Variants in CALN1 observed in about 807,000 individuals in gnomAD.
The protein encoded by CALN1 is calneuron 1.
In CALN1, 17 loss-of-function variants were observed where a neutral mutation model predicts 30.6. The observed-to-expected ratio is 0.56, with a 90% CI of 0.38 to 0.83. CALN1 has a LOEUF of 0.83. Among genes scored for constraint, CALN1 ranks in the 40% least tolerant of loss-of-function variants. The pLI is 0.00. For synonymous variants in CALN1, 156 were observed against 131.4 expected (o/e 1.19, Z -1.28); for missense variants, 291 against 354.9 (o/e 0.82, Z 1.45).
intron 1 of CALN1, among the ~76,000 whole-genome samples, chr7:72,438,025 A>C (rs1043811457): frequency 8.7e-5 from 13 of 149,940 alleles, no homozygotes; most frequent in East Asian, 4.0e-4. Flanking sequence ...CCCAGGTTGG[A>C]GTGCAGTGGT....
intron 5 of CALN1, among the ~76,000 whole-genome samples, chr7:71,948,393 C>T (rs980615466): frequency 6.6e-6 from 1 of 152,130 alleles, no homozygotes; most frequent in Non-Finnish European, 1.5e-5. Flanking sequence ...CCATGGCCTT[C>T]TAAGAGAGAG....
intron 2 of CALN1, among the ~76,000 whole-genome samples, chr7:72,388,586 T>C (rs530231035): frequency 6.6e-6 from 1 of 152,352 alleles, no homozygotes; most frequent in South Asian, 2.1e-4. Context: ...TGTGCTATCT[T>C]TGCAATGTTT....
chr7:71,930,801 G>GT (rs1795511593), intron 5 of CALN1, among the ~76,000 whole-genome samples: 4 of 152,174 alleles, frequency 2.6e-5, no homozygotes, highest in Admixed American at 2.6e-4. Flanking sequence ...CTCACATGCT[G>GT]TTTTCTGGGT....
intron 5 of CALN1, among the ~76,000 whole-genome samples, chr7:71,830,357 T>C (rs963389189): frequency 2.0e-5 from 3 of 150,946 alleles, no homozygotes; most frequent in African/African-American, 7.3e-5. Flanking sequence ...GTTCTTTTTT[T>C]CTTTTTTTGA....
intron 2 of CALN1, among the ~76,000 whole-genome samples, chr7:72,345,116 T>C (rs918547729): frequency 1.6e-4 from 24 of 149,082 alleles, no homozygotes; most frequent in Admixed American, 4.0e-4. Flanking sequence ...TTATACGAAA[T>C]TACATAATAT....
chr7:72,122,415 G>T (rs1480900774), intron 3 of CALN1, among the ~76,000 whole-genome samples: 1 of 152,080 alleles, frequency 6.6e-6, no homozygotes, highest in Non-Finnish European at 1.5e-5. Context: ...CACCTCCCCT[G>T]CCCCCAGGGT....
At chr7:72,155,749 G>A (rs1585054320) in intron 3 of CALN1, among the ~76,000 whole-genome samples, 1 of 152,130 alleles carries the variant, frequency 6.6e-6, no homozygotes, top group Non-Finnish European at 1.5e-5. Flanking sequence ...ACACAAATTT[G>A]TTATCCTATA....
chr7:71,791,390 A>G (rs1433879554), intron 6 of CALN1, among the ~76,000 whole-genome samples: 3 of 152,160 alleles, frequency 2.0e-5, no homozygotes, highest in African/African-American at 4.8e-5. Context: ...TGCTTTCTAC[A>G]TCCTTTACAG....
chr7:72,228,113 G>A (rs1387798087), intron 3 of CALN1, among the ~76,000 whole-genome samples: 2 of 151,984 alleles, frequency 1.3e-5, no homozygotes, highest in South Asian at 2.1e-4. Flanking sequence ...TTTCTTTGTC[G>A]TGGGAACTTC....
intron 6 of CALN1, among the ~76,000 whole-genome samples, chr7:71,805,134 G>A (rs1234731730): frequency 6.6e-6 from 1 of 152,108 alleles, no homozygotes; most frequent in Non-Finnish European, 1.5e-5. Flanking sequence ...CCTCTGATGT[G>A]GGATTCTTTA....
At chr7:72,055,000 T>A (rs1386130307) in intron 4 of CALN1, among the ~76,000 whole-genome samples, 1 of 152,146 alleles carries the variant, frequency 6.6e-6, no homozygotes, top group Non-Finnish European at 1.5e-5. Flanking sequence ...TCTAACCTGA[T>A]GAGGACAGGA....
chr7:72,099,273 CT>C (rs386359911), intron 4 of CALN1, among the ~76,000 whole-genome samples: 3,008 of 125,192 alleles, frequency 0.024, 72 homozygotes, highest in African/African-American at 0.08. Context: ...CCAAACACTC[CT>C]TTTTTTTTTT....
At chr7:72,008,845 G>A (rs568723608) in intron 5 of CALN1, among the ~76,000 whole-genome samples, 2 of 151,914 alleles carry the variant, frequency 1.3e-5, no homozygotes, top group South Asian at 2.1e-4. Context: ...TAGTGGAGAC[G>A]GGGTTTCACC....
intron 3 of CALN1, among the ~76,000 whole-genome samples, chr7:72,149,938 A>G (rs916111201): frequency 2.0e-5 from 3 of 151,742 alleles, no homozygotes; most frequent in Non-Finnish European, 4.4e-5. Flanking sequence ...ACATGGTGAA[A>G]TTCTTGTCTC....
chr7:72,317,048 GAGAAAGAGAGAGAGAGAAAGAGAGACAC>G lies in CALN1; in HGVS notation c.120-38266_120-38239del, dbSNP rs1219839644. Among the ~76,000 whole-genome samples, 603 of 141,928 alleles carry G rather than the reference GAGAAAGAGAGAGAGAGAAAGAGAGACAC, an allele frequency of 4.2e-3. 5 individuals are homozygous for G. The highest frequency in any genetic ancestry group is 0.015 in the African/African-American group (545 of 36,434). 93.1% of individuals were successfully genotyped at this position (141,928 alleles called of 152,430 possible). On this transcript the variant is annotated intron_variant, in intron 2 of 6. Transcript: ENST00000395275. ...AGGAGAGGAGGAGGGAAGAGAGAGA[GAGAAAGAGAGAGAGAGAAAGAGAGACAC>G]AGAAAGAGAGAGAGAGAGGGAGGGA... is the stretch of plus-strand genomic sequence containing the variant.
Position 72,276,373 on chromosome 7 carries a change from G to A in CALN1, c.244+2313C>T, listed in dbSNP as rs529273126. Among the ~76,000 whole-genome samples the A allele has an allele frequency of 7.2e-5, 11 of 152,310 alleles. No homozygotes were observed. The East Asian group carries it at 1.9e-3, about 27-fold the overall frequency. On this transcript the variant is annotated intron_variant, in intron 3 of 6. Transcript: ENST00000395275. ...CAAACACACCTGCTATGAGCTGAAT[G>A]TTTGGGTCCCCCCAAAATGCCTATG...
At chr7:72,347,239 T>C (rs1386564235) in intron 2 of CALN1, among the ~76,000 whole-genome samples, 4 of 151,708 alleles carry the variant, frequency 2.6e-5, no homozygotes, top group African/African-American at 9.7e-5. Context: ...TTTTTTTCTT[T>C]TTTTTTTTCC....
chr7:72,459,625 C>CA, the CALN1 span, among the ~76,000 whole-genome samples: 1,620 of 43,632 alleles, frequency 0.037, 45 homozygotes, highest in African/African-American at 0.09. Context: ...AACCCTGTCT[C>CA]AAAAAAAAAA....
intron 5 of CALN1, among the ~76,000 whole-genome samples, chr7:71,823,650 G>A (rs1469112622): frequency 6.6e-6 from 1 of 151,916 alleles, no homozygotes; most frequent in African/African-American, 2.4e-5. Context: ...CCTGGGAGGT[G>A]GAAGTTGCAG....
Sources: gnomAD v4.1 joint callset for allele counts (sites outside exome capture counted in the v4.1 genomes callset) on GRCh38, gnomAD v4.1.1 for gene constraint, MANE v1.5 for transcripts, NCBI Gene and HGNC (gene_info 2026-07-23, HGNC 2026-07-21) for gene names.